The following MANF variants were observed in gnomAD, a reference collection of about 807,000 sequenced individuals.
MANF encodes the protein mesencephalic astrocyte derived neurotrophic factor.
MANF carries 9 observed loss-of-function variants against 19.1 expected under a neutral mutation model. That is an observed-to-expected ratio of 0.47 (90% CI 0.28 to 0.82). MANF has a LOEUF of 0.82. MANF is among the 40% of genes least tolerant of loss of function. The pLI is 0.10. For synonymous variants in MANF, 89 were observed against 88.0 expected, an observed-to-expected ratio of 1.01 and a Z score of -0.06; for missense variants, 225 against 226.7, an observed-to-expected ratio of 0.99 and a Z score of 0.05.
At chr3:51,387,619 G>A (rs1490087386) in intron 2 of MANF, 118 bp from the exon 3 acceptor site, 2 of 919,682 alleles carry the variant, frequency 2.2e-6, no homozygotes, top group Non-Finnish European at 3.3e-6. Flanking sequence ...GTGACAGGGA[G>A]CCCTATCTCA....
intron 3 of MANF, 56 bp downstream of exon 3, chr3:51,387,934 C>T: frequency 2.5e-6 from 4 of 1,573,288 alleles, no homozygotes; most frequent in Non-Finnish European, 3.5e-6. Flanking sequence ...GGTTTGTTTC[C>T]CATCTGGGAG....
At position 51,386,278 on chromosome 3, in the gene MANF, T is replaced by A; in HGVS notation, c.165T>A (p.Thr55=). 5.6e-6 allele frequency: 9 copies of A among 1,613,912 alleles called. No homozygotes were observed. The highest frequency in any genetic ancestry group is 7.6e-6 in the Non-Finnish European group (9 of 1,179,822). ...KDRDVTFSPA[T]IENELIKFCR... is the part of the protein sequence containing the mutation. ...GAGATGTCACATTCTCACCAGCCAC[T>A]ATTGAAAACGAACTTATAAAGTTCT... Residue 55 remains threonine (T), a synonymous_variant, in exon 2 of 4, where the codon ACT becomes ACA. Transcript: ENST00000528157.
chr3:51,387,169 T>G (rs889360812), intron 2 of MANF: 2 of 322,724 alleles, frequency 6.2e-6, no homozygotes, highest in African/African-American at 4.4e-5. Flanking sequence ...CAAAAAAATT[T>G]TTAGGCTAGG....
At chr3:51,386,171 G>T in intron 1 of MANF, 37 bp from the exon 2 acceptor site, 1 of 1,610,122 alleles carries the variant, frequency 6.2e-7, no homozygotes, top group Non-Finnish European at 8.5e-7. Flanking sequence ...GAACAGCTTG[G>T]TGATTGCTGA....
Position 51,385,453 on chromosome 3 carries a change from CG to C in MANF, c.94+22del, listed in dbSNP as rs1553620720. 1.5e-5 allele frequency: 15 copies of C among 1,018,758 alleles called. No homozygotes were observed. Among genetic ancestry groups the C allele is most frequent in the Non-Finnish European group, 1.5e-5 (13 of 851,486 alleles). 63.1% of individuals were successfully genotyped at this position (1,018,758 alleles called of 1,614,324 possible). ...ACTGCGAAGGTGCGGGATAGGGGGCCGGGGGCCGCGCTCCGTGACCGTTCTG... is the reference window on the plus strand; with the variant it reads ...ACTGCGAAGGTGCGGGATAGGGGGCCGGGGCCGCGCTCCGTGACCGTTCTG... On this transcript the variant is annotated intron_variant, in intron 1 of 3. Coordinates refer to ENST00000528157, the MANE Select transcript of MANF (RefSeq NM_006010.6).
rs2088998552 is a variant in MANF at position 51,389,332 on chromosome 3, A to T, written c.*243A>T. 2.3e-6 allele frequency: 1 copy of T among 442,070 alleles called. No individual in the cohort carries two copies. Among genetic ancestry groups the T allele is most frequent in the Non-Finnish European group, 4.0e-6 (1 of 253,042 alleles). The allele number at this position is 442,070 out of a possible 1,614,324, so 27.4% of individuals were successfully genotyped here. ...GGGATTTTTTTATTAAAGAAAAAAA[A>T]TTTCTAGCTGTCCTTGCAGAATTAT... On this transcript the variant is annotated 3_prime_UTR_variant, in exon 4 of 4. Transcript: ENST00000528157.
intron 1 of MANF, chr3:51,385,928 T>G: frequency 2.5e-6 from 1 of 398,512 alleles, no homozygotes; most frequent in Non-Finnish European, 4.5e-6. Context: ...GGACACGTGT[T>G]CACCATGGGC....
Position 51,385,391 on chromosome 3 carries a change from A to C in MANF, c.49A>C (p.Ser17Arg). The C allele has an allele frequency of 8.1e-7, 1 of 1,238,062 alleles. No homozygotes were observed. Among genetic ancestry groups the C allele is most frequent in the Non-Finnish European group, 1.0e-6 (1 of 989,228 alleles). The allele number at this position is 1,238,062 out of a possible 1,614,324, so 76.7% of individuals were successfully genotyped here. A position where few individuals can be genotyped will look rare whatever the true frequency, so the allele number is the denominator to read the frequency against. Reference sequence around the variant, plus strand: ...GGGGCTGGCGGTGGCGCTGGCTCTGAGCGTGCTGCCGGGCAGCCGGGCGCT... The same window carrying C: ...GGGGCTGGCGGTGGCGCTGGCTCTGCGCGTGCTGCCGGGCAGCCGGGCGCT... ...TQGLAVALAL[S>R]VLPGSRALRP... Residue 17 changes from serine (S) to arginine (R), a missense_variant, in exon 1 of 4, where the codon AGC becomes CGC. Coordinates refer to ENST00000528157, the MANE Select transcript of MANF (RefSeq NM_006010.6).
intron 3 of MANF, 59 bp from the exon 4 acceptor site, chr3:51,388,846 C>T (rs1553621135): frequency 3.8e-6 from 5 of 1,305,378 alleles, no homozygotes; most frequent in African/African-American, 1.5e-5. Flanking sequence ...TACTCTGGGA[C>T]TACTGGGGGA....
At chr3:51,386,161 G>A (rs1246131715) in intron 1 of MANF, 47 bp from the exon 2 acceptor site, 1 of 1,605,732 alleles carries the variant, frequency 6.2e-7, no homozygotes, top group East Asian at 2.2e-5. Flanking sequence ...TGGTGGATTG[G>A]AACAGCTTGG....
intron 2 of MANF, chr3:51,387,047 G>A: frequency 2.3e-6 from 1 of 428,306 alleles, no homozygotes; most frequent in East Asian, 7.2e-5. Context: ...TGTGGGCCAG[G>A]TGCGGTGGCT....
intron 3 of MANF, among the ~76,000 whole-genome samples, 165 bp from the exon 4 acceptor site, chr3:51,388,740 G>T (rs533250788): frequency 8.5e-5 from 13 of 152,322 alleles, no homozygotes; most frequent in African/African-American, 3.1e-4. Context: ...GTTCCCTCTT[G>T]TGGGGGCAGT....
intron 3 of MANF, 131 bp downstream of exon 3, chr3:51,388,009 A>C: frequency 2.2e-6 from 2 of 901,636 alleles, no homozygotes; most frequent in Middle Eastern, 2.2e-4. Context: ...TAAATGCTGG[A>C]GGGCTCTGGC....
chr3:51,389,214 G>A lies in MANF; in HGVS notation c.*125G>A. The stretch of plus-strand genomic sequence containing the variant: ...AATACTGTATCAGATGTGAAGCCTG[G>A]AGCTTTCCTGATGATGCTGGCCCTA... On this transcript the variant is annotated 3_prime_UTR_variant, in exon 4 of 4. Coordinates refer to ENST00000528157, the MANE Select transcript of MANF (RefSeq NM_006010.6). 1 of 794,906 alleles carries A rather than the reference G, an allele frequency of 1.3e-6. No homozygotes were observed. The highest frequency in any genetic ancestry group is 2.0e-6 in the Non-Finnish European group (1 of 508,358). The allele number at this position is 794,906 out of a possible 1,614,324, so 49.2% of individuals were successfully genotyped here.
chr3:51,387,696 C>T lies in MANF; in HGVS notation c.223-41C>T, dbSNP rs373787656. On this transcript the variant is annotated intron_variant, in intron 2 of 3. Coordinates refer to ENST00000528157, the MANE Select transcript of MANF (RefSeq NM_006010.6). ...GTCAGTATGTTTGGAGGAGATGGCTCTCAAGCACCTCCTGAAGGCCATTGT... is the reference window on the plus strand; with the variant it reads ...GTCAGTATGTTTGGAGGAGATGGCTTTCAAGCACCTCCTGAAGGCCATTGT... 14 of 1,592,740 alleles carry T rather than the reference C, an allele frequency of 8.8e-6. No homozygotes were observed. In the African/African-American group the frequency reaches 1.7e-4, roughly 20 times the overall value.
Position 51,385,310 on chromosome 3 carries a change from C to CGGAGGAGGAGGAGGAGGAGGA in MANF, c.-29_-9dup. The stretch of plus-strand genomic sequence containing the variant: ...CGGTTCAGTCGGTCGGCGGCGGCAG[C>CGGAGGAGGAGGAGGAGGAGGA]GGAGGAGGAGGAGGAGGAGGAGGAT... On this transcript the variant is annotated 5_prime_UTR_variant, in exon 1 of 4. The change creates a new upstream start codon in the 5' untranslated region. Coordinates refer to ENST00000528157, the MANE Select transcript of MANF (RefSeq NM_006010.6). The CGGAGGAGGAGGAGGAGGAGGA allele has an allele frequency of 8.7e-7, 1 of 1,154,610 alleles. No homozygotes were observed. The highest frequency in any genetic ancestry group is 1.6e-5 in the African/African-American group (1 of 62,838). The allele number at this position is 1,154,610 out of a possible 1,614,324, so 71.5% of individuals were successfully genotyped here.
Position 51,386,592 on chromosome 3 carries a change from G to T in MANF, c.222+257G>T, listed in dbSNP as rs77224154. 4.0e-3 allele frequency among the ~76,000 whole-genome samples: 613 copies of T among 152,348 alleles called. 6 individuals carry two copies. Among genetic ancestry groups the T allele is most frequent in the African/African-American group, 0.014 (579 of 41,574 alleles). On this transcript the variant is annotated intron_variant, in intron 2 of 3. Transcript: ENST00000528157. ...TAGGCACTGGGAATATCAGGGGAAAGAAGTGACAGTCGGACACACAAATAA... is the reference window on the plus strand; with the variant it reads ...TAGGCACTGGGAATATCAGGGGAAATAAGTGACAGTCGGACACACAAATAA...
chr3:51,387,461 C>A (rs1383804759), intron 2 of MANF, among the ~76,000 whole-genome samples: 62 of 135,332 alleles, frequency 4.6e-4, no homozygotes, highest in African/African-American at 1.3e-3. Context: ...AACTTTATCT[C>A]AAAAAAAAAA....
At position 51,385,393 on chromosome 3, in the gene MANF, C is replaced by T; in HGVS notation, c.51C>T (p.Ser17=). The T allele has an allele frequency of 8.1e-7, 1 of 1,238,084 alleles. No individual in the cohort carries two copies. The highest frequency in any genetic ancestry group is 1.0e-6 in the Non-Finnish European group (1 of 989,134). The allele number at this position is 1,238,084 out of a possible 1,614,324, so 76.7% of individuals were successfully genotyped here. The part of the protein sequence containing the change: ...TQGLAVALAL[S]VLPGSRALRP... ...GGCTGGCGGTGGCGCTGGCTCTGAG[C>T]GTGCTGCCGGGCAGCCGGGCGCTGC... The change falls in exon 1 of 4, where the codon AGC becomes AGT. Residue 17 remains serine (S), a synonymous_variant. Coordinates refer to ENST00000528157, the MANE Select transcript of MANF (RefSeq NM_006010.6).
Sources: allele counts gnomAD v4.1 joint callset (sites outside exome capture counted in the v4.1 genomes callset), GRCh38; gene constraint gnomAD v4.1.1; transcripts MANE v1.5; gene names NCBI Gene and HGNC (gene_info 2026-07-23, HGNC 2026-07-21).